Variants in PEX14 observed in about 807,000 individuals in gnomAD.
The protein encoded by PEX14 is peroxisomal membrane protein PEX14.
Under a neutral mutation model 49.5 loss-of-function variants are expected in PEX14, and 15 were observed. The ratio of observed to expected loss-of-function variants is 0.30; its 90% confidence interval spans 0.20 to 0.47. PEX14 has a LOEUF of 0.47. Ranked by LOEUF, PEX14 falls within the 20% of genes least tolerant of loss-of-function variation. PEX14 has a pLI of 1.00. For synonymous variants in PEX14, 210 were observed against 212.7 expected (o/e 0.99, Z 0.11); for missense variants, 398 against 494.8 (o/e 0.80, Z 1.86).
intron 1 of PEX14, among the ~76,000 whole-genome samples, chr1:10,485,996 G>A (rs1460875030): frequency 1.3e-5 from 2 of 151,804 alleles, no homozygotes; most frequent in Non-Finnish European, 2.9e-5. Context: ...GACCTCAGGT[G>A]ATCTGCCTGC....
intron 3 of PEX14, among the ~76,000 whole-genome samples, chr1:10,557,248 T>C (rs1373306285): frequency 6.6e-6 from 1 of 152,188 alleles, no homozygotes; most frequent in Non-Finnish European, 1.5e-5. Context: ...TAAGTATCCT[T>C]GGGAAATAGG....
chr1:10,483,540 C>T (rs1191118358), intron 1 of PEX14, among the ~76,000 whole-genome samples: 1 of 151,878 alleles, frequency 6.6e-6, no homozygotes, highest in Non-Finnish European at 1.5e-5. Context: ...TGGTCTCAAT[C>T]TCCTGACCTC....
chr1:10,577,560 ATAT>A (rs1640179441), intron 3 of PEX14, among the ~76,000 whole-genome samples: 2 of 4,432 alleles, frequency 4.5e-4, no homozygotes, highest in African/African-American at 1.0e-3. Flanking sequence ...ATATATATAT[ATAT>A]TTTTTTTTTT....
chr1:10,558,194 G>C (rs977134574), intron 3 of PEX14, among the ~76,000 whole-genome samples: 1 of 152,036 alleles, frequency 6.6e-6, no homozygotes, highest in Non-Finnish European at 1.5e-5. Context: ...TTTTAATAGA[G>C]ATGGGGTTTC....
intron 1 of PEX14, among the ~76,000 whole-genome samples, chr1:10,488,589 T>A (rs1641413897): frequency 6.6e-6 from 1 of 151,856 alleles, no homozygotes. Flanking sequence ...AAGCTCTGCC[T>A]CCTGGGTTCA....
chr1:10,624,326 C>T lies in PEX14; in HGVS notation c.488-14C>T, dbSNP rs200684088. 106 of 1,583,942 alleles carry T rather than the reference C, an allele frequency of 6.7e-5. 1 individual carries two copies. The East Asian group carries it at 2.3e-3, about 35-fold the overall frequency. On this transcript the variant is annotated splice_polypyrimidine_tract_variant and intron_variant, in intron 6 of 8. Coordinates refer to ENST00000356607, the MANE Select transcript of PEX14 (RefSeq NM_004565.3). ...TGTGAATTTGCCAGCGCCGTGACTG[C>T]TTTCTCCTCGCAGTGACTCAGTTAC...
intron 2 of PEX14, among the ~76,000 whole-genome samples, chr1:10,501,742 C>T (rs996486543): frequency 3.3e-5 from 5 of 152,062 alleles, no homozygotes; most frequent in Admixed American, 2.0e-4. Flanking sequence ...TAGTGAAACC[C>T]TGTCTTTACA....
Position 10,499,359 on chromosome 1 carries a change from C to T in PEX14, c.84+4038C>T, listed in dbSNP as rs541220409. Among the ~76,000 whole-genome samples, 369 of 152,100 alleles carry T rather than the reference C, an allele frequency of 2.4e-3. 4 individuals are homozygous for T. The highest frequency in any genetic ancestry group is 8.5e-3 in the African/African-American group (353 of 41,506). On this transcript the variant is annotated intron_variant, in intron 2 of 8. Transcript: ENST00000356607. ...GATGAGTCCTTGGCCATCGTCTCTT[C>T]CTTTAACTTTTAGGTGTAGGTTCTT... is the stretch of plus-strand genomic sequence containing the variant.
At chr1:10,475,151 G>T in intron 1 of PEX14, 149 bp downstream of exon 1, 1 of 699,918 alleles carries the variant, frequency 1.4e-6, no homozygotes, top group Non-Finnish European at 2.5e-6. Context: ...CCCCTCCCCA[G>T]GTCCTCCCCA....
chr1:10,575,980 A>C (rs1640106596), intron 3 of PEX14, among the ~76,000 whole-genome samples: 1 of 152,164 alleles, frequency 6.6e-6, no homozygotes, highest in African/African-American at 2.4e-5. Flanking sequence ...TATTGTTTTC[A>C]TTTGCATCTG....
chr1:10,500,598 G>A (rs771114184), intron 2 of PEX14, among the ~76,000 whole-genome samples: 1 of 151,420 alleles, frequency 6.6e-6, no homozygotes, highest in African/African-American at 2.4e-5. Flanking sequence ...TTTTTGAAGC[G>A]GTGTCTCGCT....
chr1:10,589,530 G>A (rs1179030053), intron 3 of PEX14, among the ~76,000 whole-genome samples: 2 of 152,068 alleles, frequency 1.3e-5, no homozygotes, highest in East Asian at 3.9e-4. Flanking sequence ...CACTACAGGT[G>A]TGCACCACCA....
At chr1:10,498,744 A>G (rs1455927933) in intron 2 of PEX14, among the ~76,000 whole-genome samples, 1 of 152,234 alleles carries the variant, frequency 6.6e-6, no homozygotes, top group Non-Finnish European at 1.5e-5. Context: ...AAATTCTGCA[A>G]ACTCCAAGTT....
intron 2 of PEX14, among the ~76,000 whole-genome samples, chr1:10,508,732 A>G (rs2124431521): frequency 6.6e-6 from 1 of 152,322 alleles, no homozygotes; most frequent in African/African-American, 2.4e-5. Flanking sequence ...TGGCCGTGAC[A>G]TTTCAGCCAT....
At chr1:10,506,064 C>A (rs1202059466) in intron 2 of PEX14, among the ~76,000 whole-genome samples, 1 of 151,354 alleles carries the variant, frequency 6.6e-6, no homozygotes, top group African/African-American at 2.4e-5. Flanking sequence ...CATTTGGCAT[C>A]CCTGTCTGAC....
chr1:10,582,543 G>A (rs984390249), intron 3 of PEX14, among the ~76,000 whole-genome samples: 3 of 152,154 alleles, frequency 2.0e-5, no homozygotes, highest in African/African-American at 4.8e-5. Flanking sequence ...GGTGATGGAA[G>A]AGATAACCCG....
At position 10,597,674 on chromosome 1, in the gene PEX14, C is replaced by G. The variant is rs1640867594; in HGVS notation, c.170-1564C>G. On this transcript the variant is annotated intron_variant, in intron 3 of 8. Coordinates refer to ENST00000356607, the MANE Select transcript of PEX14 (RefSeq NM_004565.3). This position sits in a 1 kb window ranked among gnomAD's most constrained non-coding sequence, Gnocchi z 5.7. ...TGAGAGCATGGTGCTATCAGGGCAA[C>G]CCGGTGGCTCTTCAGACTTCCCAGT... Among the ~76,000 whole-genome samples the G allele has an allele frequency of 1.3e-5, 2 of 152,206 alleles. No homozygotes were observed. The highest frequency in any genetic ancestry group is 6.5e-5 in the Admixed American group (1 of 15,286).
At chr1:10,605,028 A>G (rs1010776735) in intron 4 of PEX14, among the ~76,000 whole-genome samples, 1 of 152,056 alleles carries the variant, frequency 6.6e-6, no homozygotes, top group African/African-American at 2.4e-5. Context: ...AGCTCCCCTC[A>G]GGCCCCTAGA....
At chr1:10,511,822 G>A (rs1241528382) in intron 2 of PEX14, among the ~76,000 whole-genome samples, 1 of 152,104 alleles carries the variant, frequency 6.6e-6, no homozygotes, top group Non-Finnish European at 1.5e-5. Context: ...TGACTTCCAA[G>A]TCTTCTGTGG....
Sources: gnomAD v4.1 joint callset for allele counts (sites outside exome capture counted in the v4.1 genomes callset) on GRCh38, gnomAD v4.1.1 for gene constraint, Gnocchi (gnomAD v3.1) non-coding constraint, MANE v1.5 for transcripts, NCBI Gene and HGNC (gene_info 2026-07-23, HGNC 2026-07-21) for gene names.